The following SEMA3A variants were observed in gnomAD, a reference collection of about 807,000 sequenced individuals.
The protein encoded by SEMA3A is semaphorin-3A.
SEMA3A carries 29 observed loss-of-function variants against 97.9 expected under a neutral mutation model. The ratio of observed to expected loss-of-function variants is 0.30; its 90% CI spans 0.22 to 0.40. The LOEUF is 0.40. Among genes scored for constraint, SEMA3A ranks in the 10% least tolerant of loss-of-function variants. SEMA3A has a pLI of 1.00. For synonymous variants in SEMA3A, 321 were observed against 323.7 expected, an observed-to-expected ratio of 0.99 and a Z score of 0.09; for missense variants, 763 against 951.3, an observed-to-expected ratio of 0.80 and a Z score of 2.60.
intron 15 of SEMA3A, among the ~76,000 whole-genome samples, chr7:83,964,441 CTT>C (rs1788593109): frequency 6.6e-6 from 1 of 152,142 alleles, no homozygotes; most frequent in Non-Finnish European, 1.5e-5. Context: ...CAGTTTTACT[CTT>C]GTCATAATCA....
At chr7:84,019,616 T>A (rs746870644) in intron 6 of SEMA3A, among the ~76,000 whole-genome samples, 25 of 152,188 alleles carry the variant, frequency 1.6e-4, no homozygotes, top group Non-Finnish European at 3.1e-4. Context: ...AGTCTCATGA[T>A]TCCTTGCATT....
chr7:84,221,238 T>C (rs1261201568), intron 3 of SEMA3A, among the ~76,000 whole-genome samples: 3 of 152,118 alleles, frequency 2.0e-5, no homozygotes, highest in East Asian at 1.9e-4. Flanking sequence ...CTTCACAGAA[T>C]TGGAGAGTTA....
chr7:83,975,950 C>T lies in SEMA3A; in HGVS notation c.1717+1182G>A, dbSNP rs551228818. Among the ~76,000 whole-genome samples, 11 of 152,204 alleles carry T rather than the reference C, an allele frequency of 7.2e-5. No individual in the cohort carries two copies. The South Asian group carries it at 2.3e-3, about 32-fold the overall frequency. ...CATACTAATGCAGGGACAGTCGTAACATTTACTCCAGTTTTGTGGTCTCTT... is the reference window on the plus strand; with the variant it reads ...CATACTAATGCAGGGACAGTCGTAATATTTACTCCAGTTTTGTGGTCTCTT... On this transcript the variant is annotated intron_variant, in intron 15 of 16. Transcript: ENST00000265362.
At chr7:84,169,040 G>C (rs1425291001) in intron 1 of SEMA3A, among the ~76,000 whole-genome samples, 1 of 151,690 alleles carries the variant, frequency 6.6e-6, no homozygotes, top group African/African-American at 2.4e-5. Context: ...TCAGGAGCCA[G>C]TATTTTATTT....
At chr7:84,152,916 G>A (rs1796723272) in intron 1 of SEMA3A, among the ~76,000 whole-genome samples, 2 of 151,928 alleles carry the variant, frequency 1.3e-5, no homozygotes. Context: ...TTGTAAAATT[G>A]AGAAAAAATT....
chr7:84,240,394 A>G (rs977971638), intron 3 of SEMA3A, among the ~76,000 whole-genome samples: 2 of 151,798 alleles, frequency 1.3e-5, no homozygotes, highest in African/African-American at 4.8e-5. Flanking sequence ...CCTAAATGTC[A>G]TCACAAATGT....
chr7:84,246,054 G>C (rs570789347), intron 3 of SEMA3A, among the ~76,000 whole-genome samples: 2 of 152,166 alleles, frequency 1.3e-5, no homozygotes, highest in South Asian at 2.1e-4. Flanking sequence ...TGCCCTGCCC[G>C]GGGTGGGAGG....
chr7:84,087,623 A>T (rs1316447537), intron 4 of SEMA3A, among the ~76,000 whole-genome samples: 1 of 152,186 alleles, frequency 6.6e-6, no homozygotes, highest in East Asian at 1.9e-4. Flanking sequence ...TGAAATAGAG[A>T]TGGCTTCCCT....
intron 1 of SEMA3A, among the ~76,000 whole-genome samples, chr7:84,140,275 C>T (rs1796258549): frequency 6.6e-6 from 1 of 152,048 alleles, no homozygotes; most frequent in African/African-American, 2.4e-5. Context: ...ATTATAATGA[C>T]TGGGTCAGAT....
rs184711538 is a variant in SEMA3A, at chr7:84,392,266, C to G, written c.-245-20366G>C. On this transcript the variant is annotated intron_variant, in intron 1 of 3. Coordinates refer to the SEMA3A transcript ENST00000424555. ...CCTATTATTTCCACCCCACCAATCT[C>G]TCCTTTCATGAATTTAATTATTTGG... Among the ~76,000 whole-genome samples the G allele has an allele frequency of 5.0e-3, 760 of 152,202 alleles. 5 individuals are homozygous for G. The highest frequency in any genetic ancestry group is 9.7e-3 in the South Asian group (47 of 4,826).
chr7:84,000,399 T>G (rs11975852), intron 12 of SEMA3A, among the ~76,000 whole-genome samples: 33,985 of 152,070 alleles, frequency 0.22, 3,977 homozygotes, highest in Middle Eastern at 0.26. Context: ...GAATTATGAT[T>G]ATTTTATTAT....
At chr7:84,281,661 T>C (rs1400271374) in intron 3 of SEMA3A, among the ~76,000 whole-genome samples, 1 of 152,194 alleles carries the variant, frequency 6.6e-6, no homozygotes. Flanking sequence ...TATAGTGTGG[T>C]GTTCAAAAGA....
At chr7:83,985,083 T>C (rs1273734277) in intron 13 of SEMA3A, among the ~76,000 whole-genome samples, 1 of 152,122 alleles carries the variant, frequency 6.6e-6, no homozygotes, top group African/African-American at 2.4e-5. Context: ...ATCACAATGC[T>C]ATTTCAGGGT....
chr7:83,957,703 T>C lies in SEMA3A; in HGVS notation c.*3668A>G, dbSNP rs1788324529. On this transcript the variant is annotated 3_prime_UTR_variant, in exon 17 of 17. Coordinates refer to ENST00000265362, the MANE Select transcript of SEMA3A (RefSeq NM_006080.3). ...AATTTTTAGAGATCAAACAAACTAA[T>C]GAGATTTTACAGATTTTTGAAAAAT... 6.6e-6 allele frequency: 1 copy of C among 152,106 alleles called. No individual in the cohort carries two copies. The highest frequency in any genetic ancestry group is 1.5e-5 in the Non-Finnish European group (1 of 67,972). The allele number at this position is 152,106 out of a possible 1,614,324, so 9.4% of individuals were successfully genotyped here.
rs541009390 is a variant in SEMA3A, at chr7:83,966,095, T to C, written c.1718-2748A>G. ...AATCTTTCTTGTAGTTCTAGGTAACTGCTCAGTTTTCATTTCCTCTTCAGG... is the reference window on the plus strand; with the variant it reads ...AATCTTTCTTGTAGTTCTAGGTAACCGCTCAGTTTTCATTTCCTCTTCAGG... On this transcript the variant is annotated intron_variant, in intron 15 of 16. Coordinates refer to ENST00000265362, the MANE Select transcript of SEMA3A (RefSeq NM_006080.3). Among the ~76,000 whole-genome samples, 49 of 152,254 alleles carry C rather than the reference T, an allele frequency of 3.2e-4. No individual in the cohort carries two copies. In the South Asian group the frequency reaches 1.0e-2, roughly 31 times the overall value.
At chr7:84,263,709 T>C (rs772827118) in intron 3 of SEMA3A, among the ~76,000 whole-genome samples, 8 of 152,246 alleles carry the variant, frequency 5.3e-5, no homozygotes, top group Admixed American at 1.3e-4. Context: ...CCATGCTCGT[T>C]ACTTCCTGTA....
intron 1 of SEMA3A, among the ~76,000 whole-genome samples, chr7:84,449,125 T>C (rs1324980284): frequency 2.6e-5 from 4 of 152,172 alleles, no homozygotes; most frequent in Non-Finnish European, 5.9e-5. Flanking sequence ...CCTAACACCA[T>C]ATACAAAAAT....
At chr7:84,421,087 G>T (rs993407998) in intron 1 of SEMA3A, among the ~76,000 whole-genome samples, 1 of 151,358 alleles carries the variant, frequency 6.6e-6, no homozygotes, top group Non-Finnish European at 1.5e-5. Flanking sequence ...TTAGGGTTTC[G>T]GTTTTAGATC....
At chr7:83,972,198 C>T (rs1293173102) in intron 15 of SEMA3A, among the ~76,000 whole-genome samples, 1 of 151,796 alleles carries the variant, frequency 6.6e-6, no homozygotes, top group Non-Finnish European at 1.5e-5. Flanking sequence ...ATCTTACTTT[C>T]AGAGATGATT....
Sources: allele counts gnomAD v4.1 joint callset (sites outside exome capture counted in the v4.1 genomes callset), GRCh38; gene constraint gnomAD v4.1.1; transcripts MANE v1.5; gene names NCBI Gene and HGNC (gene_info 2026-07-23, HGNC 2026-07-21).